The following STXBP5L variants were observed in gnomAD, a reference collection of about 807,000 sequenced individuals.
STXBP5L encodes the protein syntaxin binding protein 5L, also known as syntaxin-binding protein 5-like.
STXBP5L carries 65 observed loss-of-function variants against 144.5 expected under a neutral mutation model. The ratio of observed to expected loss-of-function variants is 0.45; its 90% confidence interval spans 0.37 to 0.55. STXBP5L has a LOEUF of 0.55. STXBP5L is among the 20% of genes least tolerant of loss of function. STXBP5L has a pLI of 0.00. For synonymous variants in STXBP5L, 505 were observed against 469.6 expected (o/e 1.08, Z -0.97); for missense variants, 1,298 against 1,405.5 (o/e 0.92, Z 1.22).
chr3:120,969,783 G>A lies in STXBP5L; in HGVS notation c.287+14746G>A, dbSNP rs545054881. Reference sequence around the variant, plus strand: ...TGTGGCTTGCACTCTTTTAATTGAAGACTTTTGTCCACTTACCTTCAAGAT... The same window carrying A: ...TGTGGCTTGCACTCTTTTAATTGAAAACTTTTGTCCACTTACCTTCAAGAT... On this transcript the variant is annotated intron_variant, in intron 3 of 26. Transcript: ENST00000471454. Among the ~76,000 whole-genome samples the A allele has an allele frequency of 3.2e-4, 49 of 151,854 alleles. 3 individuals carry two copies. The South Asian group carries it at 9.7e-3, about 30-fold the overall frequency.
chr3:121,071,784 C>T (rs902411545), intron 5 of STXBP5L, among the ~76,000 whole-genome samples: 1 of 152,124 alleles, frequency 6.6e-6, no homozygotes, highest in Non-Finnish European at 1.5e-5. Context: ...CTTGCATTTG[C>T]CTTCTTAAGG....
chr3:121,074,331 G>C (rs899234795), intron 5 of STXBP5L, among the ~76,000 whole-genome samples: 2 of 152,194 alleles, frequency 1.3e-5, no homozygotes, highest in Non-Finnish European at 2.9e-5. Flanking sequence ...TAATGTAGCT[G>C]CAACTTTATT....
chr3:121,072,779 C>G (rs4510329), intron 5 of STXBP5L, among the ~76,000 whole-genome samples: 28,088 of 152,112 alleles, frequency 0.18, 3,257 homozygotes, highest in Non-Finnish European at 0.26. Flanking sequence ...TGGATGACTG[C>G]TACTTCTTTT....
At chr3:121,184,298 A>G (rs2047280202) in intron 9 of STXBP5L, among the ~76,000 whole-genome samples, 1 of 117,988 alleles carries the variant, frequency 8.5e-6, no homozygotes, top group Admixed American at 9.3e-5. Context: ...AACCCAATGT[A>G]AGGAAGTTAA....
chr3:121,351,895 T>A (rs1469205188), intron 20 of STXBP5L, among the ~76,000 whole-genome samples: 2 of 152,158 alleles, frequency 1.3e-5, no homozygotes, highest in African/African-American at 4.8e-5. Context: ...TTCAGCTTTT[T>A]ACAGATGGCT....
chr3:121,195,777 T>TGATTA (rs1205014240), intron 9 of STXBP5L, among the ~76,000 whole-genome samples: 5 of 152,198 alleles, frequency 3.3e-5, no homozygotes, highest in South Asian at 2.1e-4. Flanking sequence ...TGCTTTCCAA[T>TGATTA]CCCTAATGAT....
At chr3:121,134,154 T>G (rs541924337) in intron 7 of STXBP5L, among the ~76,000 whole-genome samples, 36 of 152,158 alleles carry the variant, frequency 2.4e-4, no homozygotes, top group Non-Finnish European at 3.7e-4. Context: ...GGGAAGGCAT[T>G]TGGTGAGAAC....
chr3:121,295,762 TG>T (rs1437515716), intron 19 of STXBP5L, among the ~76,000 whole-genome samples: 1 of 152,304 alleles, frequency 6.6e-6, no homozygotes, highest in Admixed American at 6.5e-5. Context: ...ACATCTACAA[TG>T]TATTTCTACA....
chr3:121,228,926 A>C (rs574052187), intron 11 of STXBP5L, among the ~76,000 whole-genome samples: 333 of 152,314 alleles, frequency 2.2e-3, no homozygotes, highest in Non-Finnish European at 3.0e-3. Context: ...TTGTTTTAAC[A>C]TAGGTGACCA....
chr3:120,978,958 G>T (rs1411061255), intron 3 of STXBP5L, among the ~76,000 whole-genome samples: 1 of 152,134 alleles, frequency 6.6e-6, no homozygotes, highest in Non-Finnish European at 1.5e-5. Flanking sequence ...GCCCTTACTG[G>T]GGGGTGCCTC....
chr3:121,354,209 G>T (rs1209073399), intron 20 of STXBP5L, among the ~76,000 whole-genome samples: 3 of 152,198 alleles, frequency 2.0e-5, no homozygotes, highest in African/African-American at 7.2e-5. Flanking sequence ...GTTTGTTGCA[G>T]AGCTGAGTTC....
At chr3:121,331,340 G>C (rs2044315727) in intron 20 of STXBP5L, among the ~76,000 whole-genome samples, 1 of 152,148 alleles carries the variant, frequency 6.6e-6, no homozygotes, top group Non-Finnish European at 1.5e-5. Flanking sequence ...ACACAGTTGA[G>C]GCTTCTCCCA....
intron 5 of STXBP5L, among the ~76,000 whole-genome samples, chr3:121,051,164 T>C (rs932181061): frequency 6.6e-6 from 1 of 152,184 alleles, no homozygotes; most frequent in Non-Finnish European, 1.5e-5. Context: ...CTGTCAACAT[T>C]AGACAGATCA....
rs1400817631 is a variant in STXBP5L, at chr3:121,422,373, T to C, written c.*3276T>C. On this transcript the variant is annotated 3_prime_UTR_variant, in exon 27 of 27. Transcript: ENST00000471454. ...CCACAGTCCCAACAAGTTGACCTTGTCTCCCTATGATTTCCTTGGAAGATA... is the reference window on the plus strand; with the variant it reads ...CCACAGTCCCAACAAGTTGACCTTGCCTCCCTATGATTTCCTTGGAAGATA... The C allele has an allele frequency of 1.3e-5, 2 of 152,164 alleles. No homozygotes were observed. The highest frequency in any genetic ancestry group is 2.4e-5 in the African/African-American group (1 of 41,448). 9.4% of individuals were successfully genotyped at this position (152,164 alleles called of 1,614,324 possible).
chr3:121,152,405 C>A, intron 7 of STXBP5L, 72 bp from the exon 8 acceptor site: 2 of 1,130,624 alleles, frequency 1.8e-6, no homozygotes, highest in Admixed American at 2.2e-5. Flanking sequence ...ACTTTATTAA[C>A]ATTAAACTTT....
At chr3:121,241,927 A>G (rs1442426639) in intron 14 of STXBP5L, among the ~76,000 whole-genome samples, 1 of 152,208 alleles carries the variant, frequency 6.6e-6, no homozygotes, top group East Asian at 1.9e-4. Context: ...GGGCCAAACC[A>G]ATTTGAATGA....
At chr3:121,247,159 T>A (rs372657687) in intron 14 of STXBP5L, among the ~76,000 whole-genome samples, 37 of 152,232 alleles carry the variant, frequency 2.4e-4, no homozygotes, top group African/African-American at 8.9e-4. Flanking sequence ...ATCAGTTGGC[T>A]ATATACATAT....
chr3:121,333,267 C>T (rs1019835001), intron 20 of STXBP5L, among the ~76,000 whole-genome samples: 2 of 152,038 alleles, frequency 1.3e-5, no homozygotes, highest in Admixed American at 6.6e-5. Context: ...GGTCTAAATG[C>T]TCTACTTAAA....
intron 3 of STXBP5L, among the ~76,000 whole-genome samples, chr3:120,985,740 T>A (rs1353484636): frequency 6.6e-6 from 1 of 152,040 alleles, no homozygotes; most frequent in Non-Finnish European, 1.5e-5. Context: ...ATCATCCTTT[T>A]TATTTCTGTA....
Sources: gnomAD v4.1 joint callset for allele counts (sites outside exome capture counted in the v4.1 genomes callset) on GRCh38, gnomAD v4.1.1 for gene constraint, MANE v1.5 for transcripts, NCBI Gene and HGNC (gene_info 2026-07-23, HGNC 2026-07-21) for gene names.